The following GLIPR1L2 variants were observed in gnomAD, a reference collection of about 807,000 sequenced individuals.
The protein encoded by GLIPR1L2 is GLIPR1-like protein 2.
In GLIPR1L2, 21 loss-of-function variants were observed where a neutral mutation model predicts 28.4. The ratio of observed to expected loss-of-function variants is 0.74; its 90% CI spans 0.52 to 1.06. The LOEUF (loss-of-function observed/expected upper bound fraction) is 1.06, where lower values mean the gene tolerates loss of function less well. Ranked by LOEUF, GLIPR1L2 falls within the 50% of genes least tolerant of loss-of-function variation. The probability of loss-of-function intolerance (pLI) is 0.00; values close to 1 mark genes in which losing one functional copy is unlikely to be tolerated. For synonymous variants in GLIPR1L2, 145 were observed against 139.3 expected (o/e 1.04, Z -0.29); for missense variants, 476 against 416.9 (o/e 1.14, Z -1.23).
Position 75,391,367 on chromosome 12 carries a change from G to T in GLIPR1L2, c.234+17G>T. The T allele has an allele frequency of 5.0e-6, 8 of 1,611,026 alleles. No individual in the cohort carries two copies. Among genetic ancestry groups the T allele is most frequent in the Non-Finnish European group, 6.8e-6 (8 of 1,177,154 alleles). ...CGCTTCATGGTGAGGCCGGAAGGCGGTTTGCCGACCCTTCCACTACCGTTG... is the reference window on the plus strand; with the variant it reads ...CGCTTCATGGTGAGGCCGGAAGGCGTTTTGCCGACCCTTCCACTACCGTTG... On this transcript the variant is annotated intron_variant, in intron 1 of 5. Coordinates refer to ENST00000550916, the MANE Select transcript of GLIPR1L2 (RefSeq NM_001270396.2).
intron 1 of GLIPR1L2, among the ~76,000 whole-genome samples, chr12:75,400,285 AT>A (rs561097574): frequency 1.3e-5 from 2 of 150,700 alleles, no homozygotes; most frequent in East Asian, 2.0e-4. Flanking sequence ...CGCCCGGCTA[AT>A]TTTTTTTTGT....
At position 75,391,129 on chromosome 12, in the gene GLIPR1L2, A is replaced by G; in HGVS notation, c.13A>G (p.Arg5Gly). The change falls in exon 1 of 6, where the codon AGG becomes GGG. Residue 5 changes from arginine to glycine, a missense_variant. By Grantham distance (125) the Arg-to-Gly change is moderately radical (BLOSUM62 -2). Transcript: ENST00000550916. The part of the protein sequence containing the change: MEAA[R>G]PFAREWRAQS... ...CGGCCGGTGGACCATGGAGGCCGCA[A>G]GGCCCTTCGCCCGGGAGTGGAGGGC... 1 of 1,613,172 alleles carries G rather than the reference A, an allele frequency of 6.2e-7. No homozygotes were observed. Among genetic ancestry groups the G allele is most frequent in the South Asian group, 1.1e-5 (1 of 91,050 alleles).
intron 1 of GLIPR1L2, chr12:75,403,026 T>A (rs2139929197): frequency 2.2e-6 from 1 of 457,162 alleles, no homozygotes; most frequent in Non-Finnish European, 4.4e-6. Flanking sequence ...GTTATGGTAC[T>A]GCTGTGACTC....
intron 3 of GLIPR1L2, among the ~76,000 whole-genome samples, chr12:75,421,379 T>G (rs1003713283): frequency 6.6e-6 from 1 of 152,246 alleles, no homozygotes; most frequent in Non-Finnish European, 1.5e-5. Context: ...AGATGCCTTA[T>G]TGGGTATCAC....
intron 1 of GLIPR1L2, among the ~76,000 whole-genome samples, chr12:75,402,474 TTTTA>T (rs2045752741): frequency 1.3e-5 from 2 of 152,226 alleles, no homozygotes; most frequent in Non-Finnish European, 2.9e-5. Context: ...TGTAGGCCTG[TTTTA>T]TTTATCAATA....
Position 75,392,900 on chromosome 12 carries a change from A to AT in GLIPR1L2, c.234+1555dup, listed in dbSNP as rs551592798. Among the ~76,000 whole-genome samples, 84 of 152,110 alleles carry AT rather than the reference A, an allele frequency of 5.5e-4. 2 individuals are homozygous for AT. Among genetic ancestry groups the AT allele is most frequent in the Admixed American group, 5.4e-3 (82 of 15,286 alleles). On this transcript the variant is annotated intron_variant, in intron 1 of 5. Transcript: ENST00000550916. ...TTCTTCTTTCTTGAAGTTAATGTATATTTTTCCCATGTATTTTATTAGGAC... is the reference window on the plus strand; with the variant it reads ...TTCTTCTTTCTTGAAGTTAATGTATATTTTTTCCCATGTATTTTATTAGGAC...
intron 1 of GLIPR1L2, among the ~76,000 whole-genome samples, chr12:75,405,703 T>C (rs974151982): frequency 3.9e-5 from 6 of 152,148 alleles, no homozygotes; most frequent in Non-Finnish European, 8.8e-5. Flanking sequence ...TTTACTCATA[T>C]AGCCTCTAGT....
chr12:75,394,763 C>CAAAAAAAAAAAA (rs71078727), intron 1 of GLIPR1L2, among the ~76,000 whole-genome samples: 35 of 80,248 alleles, frequency 4.4e-4, no homozygotes, highest in African/African-American at 7.1e-4. Flanking sequence ...TGTATTTCTG[C>CAAAAAAAAAAAA]AAAAAAAAAA....
chr12:75,406,592 A>G (rs1387816482), intron 1 of GLIPR1L2, among the ~76,000 whole-genome samples: 1 of 151,702 alleles, frequency 6.6e-6, no homozygotes, highest in East Asian at 1.9e-4. Context: ...CCCTGTCTCT[A>G]CCAAAAAATA....
intron 4 of GLIPR1L2, among the ~76,000 whole-genome samples, chr12:75,429,374 C>T (rs1184420762): frequency 1.3e-5 from 2 of 152,200 alleles, no homozygotes; most frequent in Non-Finnish European, 2.9e-5. Context: ...GCCAATTTCT[C>T]CCATTTGGAA....
At chr12:75,393,322 A>G (rs2045650566) in intron 1 of GLIPR1L2, among the ~76,000 whole-genome samples, 1 of 152,010 alleles carries the variant, frequency 6.6e-6, no homozygotes. Flanking sequence ...TTGTGCACCC[A>G]TTACCACCAC....
At chr12:75,403,065 C>A (rs1480066324) in intron 1 of GLIPR1L2, 2 of 457,204 alleles carry the variant, frequency 4.4e-6, no homozygotes, top group Non-Finnish European at 8.8e-6. Context: ...CATTGGATTT[C>A]CAAACCTCTC....
At chr12:75,429,454 A>C (rs1345669199) in intron 4 of GLIPR1L2, among the ~76,000 whole-genome samples, 1 of 152,144 alleles carries the variant, frequency 6.6e-6, no homozygotes, top group African/African-American at 2.4e-5. Context: ...TTGATTTTAC[A>C]AGCTTATAGA....
intron 3 of GLIPR1L2, among the ~76,000 whole-genome samples, chr12:75,415,857 T>G (rs957590425): frequency 7.2e-5 from 11 of 152,144 alleles, no homozygotes; most frequent in Non-Finnish European, 1.6e-4. Context: ...AAGAAAACTC[T>G]CTGCTTTTAA....
In GLIPR1L2 at chr12:75,429,214, C is replaced by A. The variant is rs536533417; in HGVS notation, c.671-1501C>A. On this transcript the variant is annotated intron_variant, in intron 4 of 5. Coordinates refer to ENST00000550916, the MANE Select transcript of GLIPR1L2 (RefSeq NM_001270396.2). ...CCTGAACCCTTCAGAGCCACAGGGG[C>A]AGAGCTTCCCAAGTCCTTGGGAGCC... Among the ~76,000 whole-genome samples the A allele has an allele frequency of 3.9e-5, 6 of 152,356 alleles. No individual in the cohort carries two copies. In the South Asian group the frequency reaches 1.2e-3, roughly 32 times the overall value.
chr12:75,409,380 A>G (rs1035985302), intron 1 of GLIPR1L2, among the ~76,000 whole-genome samples: 2 of 151,794 alleles, frequency 1.3e-5, no homozygotes, highest in African/African-American at 4.8e-5. Flanking sequence ...CTTCACTAAC[A>G]GTTAATTTAA....
intron 1 of GLIPR1L2, among the ~76,000 whole-genome samples, chr12:75,402,597 T>G (rs2045754479): frequency 6.6e-6 from 1 of 152,238 alleles, no homozygotes; most frequent in South Asian, 2.1e-4. Flanking sequence ...ATTTGTTCAG[T>G]TTCCAAAATC....
intron 2 of GLIPR1L2, 61 bp downstream of exon 2, chr12:75,410,740 T>G: frequency 8.0e-7 from 1 of 1,256,168 alleles, no homozygotes; most frequent in Non-Finnish European, 1.1e-6. Flanking sequence ...TGCCTGGTTT[T>G]ATTATGTTTC....
intron 2 of GLIPR1L2, 145 bp from the exon 3 acceptor site, chr12:75,413,453 T>A: frequency 2.0e-6 from 1 of 509,712 alleles, no homozygotes; most frequent in South Asian, 3.5e-5. Flanking sequence ...TTGGTAACTC[T>A]CTACATGTCT....
Sources: gnomAD v4.1 joint callset for allele counts (sites outside exome capture counted in the v4.1 genomes callset) on GRCh38, gnomAD v4.1.1 for gene constraint, MANE v1.5 for transcripts, NCBI Gene and HGNC (gene_info 2026-07-23, HGNC 2026-07-21) for gene names.